DOP1B: variants seen among roughly 807,000 people sequenced by gnomAD.
The protein encoded by DOP1B is DOP1 leucine zipper like protein B.
In DOP1B, 174 loss-of-function variants were observed where a neutral mutation model predicts 233.5. That is an observed-to-expected ratio of 0.75 (90% CI 0.66 to 0.85). The LOEUF (loss-of-function observed/expected upper bound fraction) is 0.85, where lower values mean the gene tolerates loss of function less well. Among genes scored for constraint, DOP1B ranks in the 40% least tolerant of loss-of-function variants. DOP1B has a pLI of 0.00. For synonymous variants in DOP1B, 1,190 were observed against 1,185.6 expected, an observed-to-expected ratio of 1.00 and a Z score of -0.08; for missense variants, 2,652 against 2,846.6, an observed-to-expected ratio of 0.93 and a Z score of 1.56.
intron 23 of DOP1B, 105 bp downstream of exon 23, chr21:36,254,014 A>G: frequency 7.1e-7 from 1 of 1,417,714 alleles, no homozygotes; most frequent in East Asian, 2.5e-5. Context: ...GATAGGTAAC[A>G]AGAGCTAGTG....
At chr21:36,197,630 G>A (rs531461240) in intron 2 of DOP1B, among the ~76,000 whole-genome samples, 8 of 152,346 alleles carry the variant, frequency 5.3e-5, no homozygotes, top group African/African-American at 1.9e-4. Context: ...TCACACGTGA[G>A]GAAGAGTTAG....
intron 1 of DOP1B, 62 bp from the exon 2 acceptor site, chr21:36,164,646 T>G (rs1282228276): frequency 7.4e-7 from 1 of 1,350,210 alleles, no homozygotes; most frequent in Non-Finnish European, 9.8e-7. Context: ...TAGCTCTGGG[T>G]TGGGAATGAT....
At chr21:36,291,432 G>A (rs2067557997) in intron 35 of DOP1B, among the ~76,000 whole-genome samples, 1 of 151,878 alleles carries the variant, frequency 6.6e-6, no homozygotes, top group African/African-American at 2.4e-5. Context: ...ATGGTGGCAG[G>A]TGCCTGTAAT....
chr21:36,248,906 AAC>A (rs1314826379), intron 21 of DOP1B, among the ~76,000 whole-genome samples: 1 of 151,952 alleles, frequency 6.6e-6, no homozygotes, highest in South Asian at 2.1e-4. Flanking sequence ...GGAGTTCAAG[AAC>A]AGCCTGGCCA....
chr21:36,245,265 T>A lies in DOP1B; in HGVS notation c.3285T>A (p.Leu1095=). The change falls in exon 19 of 37, where the codon CTT becomes CTA. Residue 1095 remains leucine (L), a synonymous_variant. Transcript: ENST00000691173. This position sits in a 1 kb window ranked among gnomAD's most constrained non-coding sequence, Gnocchi z 5.5. ...AAGAGCTGCCCTACTACGTGGAGCT[T>A]CCAGACAGGACGGCCCACGGCGCCC... ...SEEELPYYVE[L]PDRTAHGAPD... is the part of the protein sequence containing the mutation. 1.9e-6 allele frequency: 3 copies of A among 1,614,026 alleles called. No individual in the cohort carries two copies. Among genetic ancestry groups the A allele is most frequent in the Non-Finnish European group, 1.7e-6 (2 of 1,180,026 alleles).
chr21:36,173,035 G>A (rs377342425), intron 2 of DOP1B, among the ~76,000 whole-genome samples: 5 of 151,974 alleles, frequency 3.3e-5, no homozygotes, highest in African/African-American at 1.2e-4. Flanking sequence ...CAGGAGAATC[G>A]CTTGAACCTG....
rs1168937169 is a variant in DOP1B, at chr21:36,246,705, A to G, written c.4697+28A>G. The G allele has an allele frequency of 1.9e-6, 3 of 1,582,194 alleles. No individual in the cohort carries two copies. The highest frequency in any genetic ancestry group is 1.7e-6 in the Non-Finnish European group (2 of 1,158,684). ...GCGTTACGCTCCTTGTGACATCTTT[A>G]TTGCTTTAGTGATGGTTTTTATAAC... On this transcript the variant is annotated intron_variant, in intron 19 of 36. Coordinates refer to ENST00000691173, the MANE Select transcript of DOP1B (RefSeq NM_001320714.2). The surrounding 1 kb of genome is among the most constrained non-coding windows in gnomAD (Gnocchi z 5.1).
chr21:36,188,297 A>T (rs2066189027), intron 2 of DOP1B, among the ~76,000 whole-genome samples: 1 of 151,924 alleles, frequency 6.6e-6, no homozygotes, highest in African/African-American at 2.4e-5. Flanking sequence ...AACTGGTCTC[A>T]CTGGTTACCT....
intron 2 of DOP1B, among the ~76,000 whole-genome samples, chr21:36,172,783 G>A (rs756805332): frequency 4.0e-5 from 6 of 151,746 alleles, no homozygotes; most frequent in African/African-American, 9.7e-5. Flanking sequence ...TTTGGTGATC[G>A]TCACATTTCT....
chr21:36,262,944 T>C (rs942480662), intron 24 of DOP1B, among the ~76,000 whole-genome samples: 2 of 149,546 alleles, frequency 1.3e-5, no homozygotes, highest in Admixed American at 6.7e-5. Context: ...TAAAATAAAA[T>C]AGAAGAAAGG....
At position 36,246,181 on chromosome 21, in the gene DOP1B, C is replaced by T. The variant is rs1289958111; in HGVS notation, c.4201C>T (p.Arg1401Cys). Residue 1401 changes from arginine (R) to cysteine (C), a missense_variant, in exon 19 of 37, where the codon CGC (arginine) becomes TGC (cysteine). Transcript: ENST00000691173. This position sits in a 1 kb window ranked among gnomAD's most constrained non-coding sequence, Gnocchi z 5.1. ...LSASMYTSQK[R>C]YGLATAHHGR... ...GGCGTCCATGTACACGAGCCAGAAG[C>T]GCTACGGGCTGGCCACCGCCCACCA... 7.4e-6 allele frequency: 12 copies of T among 1,613,590 alleles called. No homozygotes were observed. The highest frequency in any genetic ancestry group is 3.3e-5 in the Admixed American group (2 of 60,002).
intron 2 of DOP1B, chr21:36,169,911 C>T (rs1236964287): frequency 1.2e-5 from 9 of 774,486 alleles, no homozygotes; most frequent in Non-Finnish European, 1.9e-5. Context: ...CCACGTAGCC[C>T]GCAATGCCCA....
chr21:36,158,375 A>G (rs149575708), intron 1 of DOP1B, among the ~76,000 whole-genome samples: 45 of 152,298 alleles, frequency 3.0e-4, no homozygotes, highest in African/African-American at 9.4e-4. Flanking sequence ...GACCTGTACT[A>G]TCTCACTGAC....
intron 2 of DOP1B, among the ~76,000 whole-genome samples, chr21:36,167,676 A>G (rs1367118940): frequency 6.6e-6 from 1 of 151,736 alleles, no homozygotes; most frequent in Non-Finnish European, 1.5e-5. Context: ...CCAAAAGGAA[A>G]CCCGTACCCA....
intron 32 of DOP1B, 83 bp downstream of exon 32, chr21:36,281,694 G>A: frequency 7.7e-7 from 1 of 1,296,716 alleles, no homozygotes; most frequent in Admixed American, 2.7e-5. Flanking sequence ...GAAATTTATT[G>A]CCTCACAGTT....
chr21:36,175,115 T>TG (rs2066009117), intron 2 of DOP1B, among the ~76,000 whole-genome samples: 1 of 108,456 alleles, frequency 9.2e-6, no homozygotes, highest in African/African-American at 3.0e-5. Flanking sequence ...TTCTTCTTCT[T>TG]CTTTTTTTTT....
rs756681225 is a variant in DOP1B, at chr21:36,245,010, C to T, written c.3068-38C>T. On this transcript the variant is annotated intron_variant, in intron 18 of 36. Coordinates refer to ENST00000691173, the MANE Select transcript of DOP1B (RefSeq NM_001320714.2). The surrounding 1 kb of genome is among the most constrained non-coding windows in gnomAD (Gnocchi z 5.5). ...TACAGCTAATGTATCATAGCTGACC[C>T]TTCTGTCTAAAGTCATTTGTCATCT... 3.2e-6 allele frequency: 5 copies of T among 1,556,500 alleles called. No individual in the cohort carries two copies. The highest frequency in any genetic ancestry group is 4.4e-6 in the Non-Finnish European group (5 of 1,146,050).
chr21:36,226,863 G>T (rs2066689811), intron 12 of DOP1B, among the ~76,000 whole-genome samples: 7 of 152,186 alleles, frequency 4.6e-5, no homozygotes, highest in Admixed American at 4.6e-4. Flanking sequence ...CAAGGTGCTG[G>T]CTGGGATTAT....
intron 11 of DOP1B, among the ~76,000 whole-genome samples, chr21:36,223,642 C>G (rs1241574470): frequency 1.3e-5 from 2 of 152,096 alleles, no homozygotes; most frequent in African/African-American, 4.8e-5. Flanking sequence ...TTCATCAAAT[C>G]AGCTTTCCTC....
Sources: gnomAD v4.1 joint callset for allele counts (sites outside exome capture counted in the v4.1 genomes callset) on GRCh38, gnomAD v4.1.1 for gene constraint, Gnocchi (gnomAD v3.1) non-coding constraint, MANE v1.5 for transcripts, NCBI Gene and HGNC (gene_info 2026-07-23, HGNC 2026-07-21) for gene names.